Variants in LRP1B observed in about 807,000 individuals in gnomAD.
The protein encoded by LRP1B is low-density lipoprotein receptor-related protein 1B.
A neutral mutation model predicts 556.6 loss-of-function variants in LRP1B; 217 were observed. The ratio of observed to expected loss-of-function variants is 0.39; its 90% confidence interval spans 0.35 to 0.44. The LOEUF (loss-of-function observed/expected upper bound fraction) is 0.44, where lower values mean the gene tolerates loss of function less well. Among genes scored for constraint, LRP1B ranks in the 20% least tolerant of loss-of-function variants. The pLI is 1.00. For synonymous variants in LRP1B, 2,047 were observed against 1,865.8 expected, an observed-to-expected ratio of 1.10 and a Z score of -2.50; for missense variants, 5,053 against 5,620.8, an observed-to-expected ratio of 0.90 and a Z score of 3.23.
chr2:141,907,610 G>C (rs894154193), intron 1 of LRP1B, among the ~76,000 whole-genome samples: 2 of 151,858 alleles, frequency 1.3e-5, no homozygotes, highest in Admixed American at 1.3e-4. Flanking sequence ...AAGAGAAGCA[G>C]GGAGAGGCTA....
intron 1 of LRP1B, among the ~76,000 whole-genome samples, chr2:141,922,048 A>G (rs1700200264): frequency 1.3e-5 from 2 of 152,216 alleles, no homozygotes; most frequent in Admixed American, 6.5e-5. Flanking sequence ...AATATTAAGA[A>G]AAAGGTATGG....
intron 11 of LRP1B, among the ~76,000 whole-genome samples, chr2:141,028,167 T>C (rs1698267648): frequency 6.6e-6 from 1 of 151,942 alleles, no homozygotes; most frequent in Non-Finnish European, 1.5e-5. Context: ...ATAGAAGATA[T>C]CAAGGCTAGA....
chr2:140,931,888 ACT>A (rs1695061038), intron 20 of LRP1B, among the ~76,000 whole-genome samples: 1 of 152,140 alleles, frequency 6.6e-6, no homozygotes, highest in Non-Finnish European at 1.5e-5. Flanking sequence ...TTTCCCATTC[ACT>A]GTTTGTATTA....
intron 6 of LRP1B, among the ~76,000 whole-genome samples, chr2:141,200,361 G>A (rs1228010322): frequency 6.6e-6 from 1 of 152,144 alleles, no homozygotes; most frequent in African/African-American, 2.4e-5. Flanking sequence ...ATGAGGTGGA[G>A]GGAACAATGC....
chr2:142,130,694 C>G lies in LRP1B; in HGVS notation c.36G>C (p.Ser12=). Residue 12 remains serine (S), a synonymous_variant, in exon 1 of 91, where the codon TCG becomes TCC. Transcript: ENST00000389484. ...SEFLLALLTL[S]GLLPIARVLT... The stretch of plus-strand genomic sequence containing the variant: ...GCACCCTGGCAATCGGCAATAATCC[C>G]GAGAGAGTGAGTAAGGCGAGGAGAA... 6.2e-7 allele frequency: 1 copy of G among 1,613,568 alleles called. No homozygotes were observed.
chr2:141,933,389 A>G (rs1700555340), intron 1 of LRP1B, among the ~76,000 whole-genome samples: 1 of 152,122 alleles, frequency 6.6e-6, no homozygotes, highest in African/African-American at 2.4e-5. Context: ...GCACTATTTC[A>G]TGCTTACATC....
At chr2:140,937,829 A>C (rs571983958) in intron 20 of LRP1B, among the ~76,000 whole-genome samples, 2 of 152,072 alleles carry the variant, frequency 1.3e-5, no homozygotes, top group Non-Finnish European at 2.9e-5. Context: ...TCTATGCTTA[A>C]ATATGTAATC....
At chr2:142,080,541 TAAATA>T (rs1382982495) in intron 1 of LRP1B, among the ~76,000 whole-genome samples, 1 of 152,076 alleles carries the variant, frequency 6.6e-6, no homozygotes, top group Non-Finnish European at 1.5e-5. Context: ...AATAAATAAA[TAAATA>T]AATCAGTTTT....
In LRP1B at chr2:140,495,534, G is replaced by T. The variant is rs747812221; in HGVS notation, c.9034+31C>A. On this transcript the variant is annotated intron_variant, in intron 56 of 90. Transcript: ENST00000389484. Reference sequence around the variant, plus strand: ...TTCAGGATCCATATGTATAACTGAGGTTGGATCAGTGGGCAAGTTCAATTC... The same window carrying T: ...TTCAGGATCCATATGTATAACTGAGTTTGGATCAGTGGGCAAGTTCAATTC... The T allele has an allele frequency of 7.1e-6, 11 of 1,554,092 alleles. No homozygotes were observed. In the African/African-American group the frequency reaches 9.4e-5, roughly 13 times the overall value.
chr2:141,516,982 C>A (rs1275960687), intron 2 of LRP1B, among the ~76,000 whole-genome samples: 1 of 126,428 alleles, frequency 7.9e-6, no homozygotes, highest in Non-Finnish European at 1.6e-5. Flanking sequence ...CAGGTGTGAT[C>A]CACCATGTCT....
intron 3 of LRP1B, among the ~76,000 whole-genome samples, chr2:141,463,426 T>C (rs1036850900): frequency 1.3e-5 from 2 of 150,300 alleles, no homozygotes; most frequent in African/African-American, 4.9e-5. Flanking sequence ...GAGAAATACA[T>C]TGTGTACCAA....
intron 41 of LRP1B, among the ~76,000 whole-genome samples, chr2:140,694,297 CATAGAT>C (rs1367449381): frequency 1.3e-5 from 2 of 152,092 alleles, no homozygotes; most frequent in African/African-American, 4.8e-5. Context: ...AGTGGGAATA[CATAGAT>C]ATATTGTTAC....
chr2:141,162,007 G>A (rs1037168458), intron 7 of LRP1B, among the ~76,000 whole-genome samples: 2 of 151,994 alleles, frequency 1.3e-5, no homozygotes, highest in African/African-American at 4.8e-5. Context: ...CAGATGAAAG[G>A]GGTGTGAAGA....
chr2:140,860,975 CATCTATCTATCTATCTATCTATCT>C (rs35339728), intron 27 of LRP1B, among the ~76,000 whole-genome samples: 4 of 145,866 alleles, frequency 2.7e-5, no homozygotes, highest in African/African-American at 1.1e-4. Flanking sequence ...GAGAATTGTG[CATCTATCTATCTATCTATCTATCT>C]ATCTATCTAT....
At chr2:140,811,345 T>C (rs1404616411) in intron 32 of LRP1B, among the ~76,000 whole-genome samples, 1 of 152,026 alleles carries the variant, frequency 6.6e-6, no homozygotes, top group South Asian at 2.1e-4. Context: ...ATTTACAGCA[T>C]TGAGCTCTGT....
intron 1 of LRP1B, among the ~76,000 whole-genome samples, chr2:141,887,588 G>A (rs538531575): frequency 2.6e-5 from 4 of 152,250 alleles, no homozygotes; most frequent in East Asian, 3.9e-4. Flanking sequence ...GCAGGACACC[G>A]GATGAATGAC....
At chr2:141,001,122 G>T (rs760910537) in intron 15 of LRP1B, among the ~76,000 whole-genome samples, 1 of 152,096 alleles carries the variant, frequency 6.6e-6, no homozygotes, top group African/African-American at 2.4e-5. Flanking sequence ...CCCTCCCCCT[G>T]TAACTTCCTA....
chr2:140,688,312 A>G (rs1686120567), intron 41 of LRP1B, among the ~76,000 whole-genome samples: 1 of 152,100 alleles, frequency 6.6e-6, no homozygotes, highest in African/African-American at 2.4e-5. Context: ...TGACCCCTTT[A>G]TAGTTTTGTT....
At chr2:141,178,078 C>T (rs1178495893) in intron 7 of LRP1B, among the ~76,000 whole-genome samples, 2 of 152,032 alleles carry the variant, frequency 1.3e-5, no homozygotes, top group Admixed American at 6.6e-5. Context: ...AATTTGCAAA[C>T]AAAACCAGGA....
Sources: gnomAD v4.1 joint callset for allele counts (sites outside exome capture counted in the v4.1 genomes callset) on GRCh38, gnomAD v4.1.1 for gene constraint, MANE v1.5 for transcripts, NCBI Gene and HGNC (gene_info 2026-07-23, HGNC 2026-07-21) for gene names.